The following ARK2C variants were observed in gnomAD, a reference collection of about 807,000 sequenced individuals.
The protein encoded by ARK2C is E3 ubiquitin-protein ligase ARK2C.
At chr18:46,446,282 CTT>C in the ARK2C span, among the ~76,000 whole-genome samples, 1 of 152,110 alleles carries the variant, frequency 6.6e-6, no homozygotes, top group Admixed American at 6.5e-5. Context: ...AGCTGAAAAA[CTT>C]TTACAAAGAG....
chr18:46,407,624 A>G, the ARK2C span, among the ~76,000 whole-genome samples: 7 of 152,166 alleles, frequency 4.6e-5, no homozygotes, highest in Non-Finnish European at 8.8e-5. Context: ...GGGTATTTCC[A>G]GACCTGAGAC....
the ARK2C span, among the ~76,000 whole-genome samples, chr18:46,446,413 G>A: frequency 6.6e-6 from 1 of 152,122 alleles, no homozygotes. Context: ...GCTCATGCCT[G>A]TAATCTCAGC....
chr18:46,409,323 G>C, the ARK2C span, among the ~76,000 whole-genome samples: 1 of 152,202 alleles, frequency 6.6e-6, no homozygotes, highest in East Asian at 1.9e-4. Context: ...AACAAGTCCG[G>C]TGAGATTGAC....
the ARK2C span, among the ~76,000 whole-genome samples, chr18:46,434,027 C>A: frequency 6.6e-6 from 1 of 152,182 alleles, no homozygotes; most frequent in Non-Finnish European, 1.5e-5. Context: ...CAAGAGCCCA[C>A]GGTCTAGATA....
chr18:46,367,095 G>T, the ARK2C span, among the ~76,000 whole-genome samples: 1 of 152,202 alleles, frequency 6.6e-6, no homozygotes. Flanking sequence ...CTGGAGTTGG[G>T]TGGATGAAAG....
At chr18:46,381,030 G>A in the ARK2C span, among the ~76,000 whole-genome samples, 2 of 152,230 alleles carry the variant, frequency 1.3e-5, no homozygotes, top group Admixed American at 6.5e-5. Flanking sequence ...CTCTGGCCAT[G>A]TGTGGGAGTG....
chr18:46,436,585 T>C, the ARK2C span, among the ~76,000 whole-genome samples: 1 of 152,232 alleles, frequency 6.6e-6, no homozygotes, highest in Non-Finnish European at 1.5e-5. Context: ...GCCCTTCCCA[T>C]GCACACCCAG....
At chr18:46,374,151 G>A in the ARK2C span, among the ~76,000 whole-genome samples, 2 of 152,138 alleles carry the variant, frequency 1.3e-5, no homozygotes, top group African/African-American at 4.8e-5. Context: ...TGGGGCCCAG[G>A]CAGCTTGAAC....
chr18:46,404,974 G>C, the ARK2C span, among the ~76,000 whole-genome samples: 1 of 152,126 alleles, frequency 6.6e-6, no homozygotes, highest in African/African-American at 2.4e-5. Flanking sequence ...AGCTCCGTTT[G>C]GCTCCAAAGT....
the ARK2C span, among the ~76,000 whole-genome samples, chr18:46,398,634 G>T: frequency 4.6e-5 from 7 of 151,972 alleles, no homozygotes; most frequent in African/African-American, 1.7e-4. Context: ...GACACCATGG[G>T]TTGGTGGGTC....
At chr18:46,434,502 AT>A in the ARK2C span, among the ~76,000 whole-genome samples, 2 of 152,220 alleles carry the variant, frequency 1.3e-5, no homozygotes, top group Non-Finnish European at 2.9e-5. Flanking sequence ...CTGCTTCTGC[AT>A]TCATTCTTGC....
At chr18:46,428,171 G>A in the ARK2C span, among the ~76,000 whole-genome samples, 2 of 152,016 alleles carry the variant, frequency 1.3e-5, no homozygotes, top group Non-Finnish European at 2.9e-5. Flanking sequence ...AGCACGTTGG[G>A]AGGCCGAGGC....
chr18:46,359,590 C>G, the ARK2C span, among the ~76,000 whole-genome samples: 4 of 152,176 alleles, frequency 2.6e-5, no homozygotes, highest in African/African-American at 9.7e-5. Flanking sequence ...GCCATGGACT[C>G]CACCTGAAAG....
At chr18:46,427,968 C>A in the ARK2C span, among the ~76,000 whole-genome samples, 2 of 152,154 alleles carry the variant, frequency 1.3e-5, no homozygotes, top group Non-Finnish European at 2.9e-5. Flanking sequence ...GAGATGGGAG[C>A]ACAAACTCTC....
At chr18:46,346,860 G>A in the ARK2C span, among the ~76,000 whole-genome samples, 1 of 152,190 alleles carries the variant, frequency 6.6e-6, no homozygotes, top group African/African-American at 2.4e-5. Context: ...AGTCAGGGAA[G>A]GGCTGGGCAT....
At chr18:46,393,793 G>C in the ARK2C span, among the ~76,000 whole-genome samples, 1 of 152,376 alleles carries the variant, frequency 6.6e-6, no homozygotes, top group East Asian at 1.9e-4. Flanking sequence ...GGAGAGCCTG[G>C]CAGGTCATGA....
At chr18:46,355,385 C>G in the ARK2C span, among the ~76,000 whole-genome samples, 2 of 152,194 alleles carry the variant, frequency 1.3e-5, no homozygotes, top group African/African-American at 4.8e-5. Flanking sequence ...TCGGGCTCCT[C>G]ACTGGTTCTA....
At chr18:46,416,468 C>T in the ARK2C span, among the ~76,000 whole-genome samples, 1 of 152,238 alleles carries the variant, frequency 6.6e-6, no homozygotes, top group African/African-American at 2.4e-5. Context: ...GGACTTTTCT[C>T]TTTAAGCATT....
the ARK2C span, among the ~76,000 whole-genome samples, chr18:46,442,157 C>T: frequency 1.0e-5 from 1 of 99,532 alleles, no homozygotes; most frequent in African/African-American, 4.2e-5. Flanking sequence ...AGCGAAACTC[C>T]GTCTCAAAAA....
Sources: allele counts gnomAD v4.1 joint callset (sites outside exome capture counted in the v4.1 genomes callset), GRCh38; gene constraint gnomAD v4.1.1; transcripts MANE v1.5; gene names NCBI Gene and HGNC (gene_info 2026-07-23, HGNC 2026-07-21).